LRRC4C: variants seen among roughly 807,000 people sequenced by gnomAD.
LRRC4C encodes the protein leucine-rich repeat-containing protein 4C.
Under a neutral mutation model 33.6 loss-of-function variants are expected in LRRC4C, and 5 were observed. The observed-to-expected ratio is 0.15, with a 90% CI of 0.08 to 0.31. The LOEUF is 0.31. Ranked by LOEUF, LRRC4C falls within the 10% of genes least tolerant of loss-of-function variation. LRRC4C has a pLI of 1.00. For synonymous variants in LRRC4C, 329 were observed against 302.0 expected, an observed-to-expected ratio of 1.09 and a Z score of -0.93; for missense variants, 560 against 796.7, an observed-to-expected ratio of 0.70 and a Z score of 3.58.
At chr11:40,494,598 T>G (rs912489683) in intron 3 of LRRC4C, among the ~76,000 whole-genome samples, 2 of 152,124 alleles carry the variant, frequency 1.3e-5, no homozygotes, top group African/African-American at 4.8e-5. Flanking sequence ...TTTATACATC[T>G]AGCATGCAGA....
intron 1 of LRRC4C, among the ~76,000 whole-genome samples, chr11:41,237,042 C>T (rs1948055223): frequency 6.6e-6 from 1 of 152,168 alleles, no homozygotes; most frequent in South Asian, 2.1e-4. Flanking sequence ...ACAGTGCTTG[C>T]TCATAAAGAG....
chr11:41,312,140 G>A (rs1377598354), intron 1 of LRRC4C, among the ~76,000 whole-genome samples: 1 of 152,090 alleles, frequency 6.6e-6, no homozygotes, highest in Non-Finnish European at 1.5e-5. Context: ...AAAGGAGAAA[G>A]AAACCAGGAA....
At chr11:41,453,735 C>T (rs1307426492) in intron 1 of LRRC4C, among the ~76,000 whole-genome samples, 1 of 151,848 alleles carries the variant, frequency 6.6e-6, no homozygotes, top group Non-Finnish European at 1.5e-5. Context: ...CAGTGCCTGG[C>T]ACATAGAATA....
chr11:40,684,420 T>A (rs977797389), intron 2 of LRRC4C, among the ~76,000 whole-genome samples: 4 of 152,142 alleles, frequency 2.6e-5, no homozygotes, highest in African/African-American at 9.6e-5. Flanking sequence ...GATAAGGAAG[T>A]AACTCATAAT....
rs1305564636 is a variant in LRRC4C, at chr11:41,428,213, T to G, written c.-496+31218A>C. 3.3e-5 allele frequency among the ~76,000 whole-genome samples: 5 copies of G among 152,128 alleles called. No homozygotes were observed. The East Asian group carries it at 7.7e-4, about 24-fold the overall frequency. ...CGGAGGCAGTTTTCAAGAATTTGGT[T>G]TCTATTCCCAGTCTCATGAAAGACA... On this transcript the variant is annotated intron_variant, in intron 1 of 6. Coordinates refer to ENST00000528697, the MANE Select transcript of LRRC4C (RefSeq NM_001258419.2).
At chr11:41,342,026 T>A (rs191720933) in intron 1 of LRRC4C, among the ~76,000 whole-genome samples, 58 of 151,584 alleles carry the variant, frequency 3.8e-4, no homozygotes, top group African/African-American at 1.2e-3. Flanking sequence ...ACCTCACCCC[T>A]GGTTTCTCAA....
At chr11:40,826,122 C>G (rs568596858) in intron 2 of LRRC4C, among the ~76,000 whole-genome samples, 1 of 152,028 alleles carries the variant, frequency 6.6e-6, no homozygotes, top group African/African-American at 2.4e-5. Flanking sequence ...GAACTAACTG[C>G]TTGTTAAAGA....
intron 1 of LRRC4C, among the ~76,000 whole-genome samples, chr11:41,102,108 C>T (rs1941225934): frequency 6.6e-6 from 1 of 151,840 alleles, no homozygotes. Flanking sequence ...ATATAACAAA[C>T]CCGTACATGT....
intron 2 of LRRC4C, among the ~76,000 whole-genome samples, chr11:40,776,133 G>A (rs1034396356): frequency 1.3e-5 from 2 of 152,108 alleles, no homozygotes; most frequent in Admixed American, 1.3e-4. Flanking sequence ...CTACTTGAAT[G>A]TGGTGAATTA....
At chr11:40,862,801 A>G (rs1473366668) in intron 2 of LRRC4C, among the ~76,000 whole-genome samples, 1 of 152,186 alleles carries the variant, frequency 6.6e-6, no homozygotes, top group Non-Finnish European at 1.5e-5. Context: ...CAGGGAGAAA[A>G]GCCACAGAAA....
chr11:40,719,515 T>G (rs772316540), intron 2 of LRRC4C, among the ~76,000 whole-genome samples: 1 of 152,202 alleles, frequency 6.6e-6, no homozygotes, highest in Non-Finnish European at 1.5e-5. Flanking sequence ...AGGCACAGAA[T>G]GAGAAATCCA....
intron 2 of LRRC4C, among the ~76,000 whole-genome samples, chr11:40,838,612 CACAT>C: frequency 1.5e-5 from 1 of 66,466 alleles, no homozygotes; most frequent in Non-Finnish European, 4.0e-5. Context: ...GATGAAAATA[CACAT>C]AGAAAGAATT....
chr11:40,665,334 A>C (rs1410198129), intron 2 of LRRC4C, among the ~76,000 whole-genome samples: 1 of 12,272 alleles, frequency 8.1e-5, no homozygotes, highest in East Asian at 3.2e-3. Context: ...AAATATATAT[A>C]TATATATATA....
chr11:40,665,203 C>T (rs1943658275), intron 2 of LRRC4C, among the ~76,000 whole-genome samples: 1 of 150,170 alleles, frequency 6.7e-6, no homozygotes, highest in African/African-American at 2.5e-5. Flanking sequence ...GATGCTTCCC[C>T]TTTACCTTAT....
intron 2 of LRRC4C, among the ~76,000 whole-genome samples, chr11:40,932,925 G>C (rs947474256): frequency 2.6e-5 from 4 of 152,156 alleles, no homozygotes; most frequent in African/African-American, 9.7e-5. Context: ...ATTCTTGCCT[G>C]CATAGAATAT....
At chr11:41,181,447 T>C (rs1369333024) in intron 1 of LRRC4C, among the ~76,000 whole-genome samples, 1 of 151,332 alleles carries the variant, frequency 6.6e-6, no homozygotes, top group Non-Finnish European at 1.5e-5. Flanking sequence ...TTAAATACCC[T>C]CAGAAAATAA....
intron 1 of LRRC4C, among the ~76,000 whole-genome samples, chr11:41,244,181 C>T (rs984579796): frequency 6.6e-6 from 1 of 150,508 alleles, no homozygotes; most frequent in Non-Finnish European, 1.5e-5. Flanking sequence ...CTCTATCTAT[C>T]TATCTATCTA....
chr11:41,166,218 CA>C (rs1944720534), intron 1 of LRRC4C, among the ~76,000 whole-genome samples: 1 of 152,104 alleles, frequency 6.6e-6, no homozygotes, highest in East Asian at 1.9e-4. Flanking sequence ...CAGAGCCTAG[CA>C]CATAGAAAAT....
At chr11:41,003,918 T>C (rs1373513130) in intron 1 of LRRC4C, among the ~76,000 whole-genome samples, 1 of 151,646 alleles carries the variant, frequency 6.6e-6, no homozygotes, top group African/African-American at 2.4e-5. Flanking sequence ...CTTGAAAGAG[T>C]GAGAACTCCA....
Sources: allele counts gnomAD v4.1 joint callset (sites outside exome capture counted in the v4.1 genomes callset), GRCh38; gene constraint gnomAD v4.1.1; transcripts MANE v1.5; gene names NCBI Gene and HGNC (gene_info 2026-07-23, HGNC 2026-07-21).